WRN: variants seen among roughly 807,000 people sequenced by gnomAD.
The protein encoded by WRN is bifunctional 3'-5' exonuclease/ATP-dependent helicase WRN.
Under a neutral mutation model 180.7 loss-of-function variants are expected in WRN, and 149 were observed. The observed-to-expected ratio is 0.82, with a 90% CI of 0.72 to 0.94. The LOEUF is 0.94. Ranked by LOEUF, WRN falls within the 40% of genes least tolerant of loss-of-function variation. WRN has a pLI of 0.00. For synonymous variants in WRN, 548 were observed against 568.9 expected, an observed-to-expected ratio of 0.96 and a Z score of 0.52; for missense variants, 1,661 against 1,700.1, an observed-to-expected ratio of 0.98 and a Z score of 0.40.
At chr8:31,104,775 G>A (rs1021182463) in intron 18 of WRN, among the ~76,000 whole-genome samples, 6 of 152,262 alleles carry the variant, frequency 3.9e-5, no homozygotes, top group East Asian at 1.9e-4. Flanking sequence ...GTTAAATTGC[G>A]TTTGCCCCTT....
At chr8:31,148,260 CCTT>C (rs1353352725) in intron 30 of WRN, among the ~76,000 whole-genome samples, 1 of 152,142 alleles carries the variant, frequency 6.6e-6, no homozygotes, top group Non-Finnish European at 1.5e-5. Flanking sequence ...CCTTCCTCCT[CCTT>C]CTTAATGACA....
intron 23 of WRN, among the ~76,000 whole-genome samples, chr8:31,126,533 GAAGA>G (rs1801938660): frequency 6.6e-6 from 1 of 152,078 alleles, no homozygotes; most frequent in Non-Finnish European, 1.5e-5. Context: ...TGTAATAAAA[GAAGA>G]AAGGTCTCAA....
intron 1 of WRN, among the ~76,000 whole-genome samples, chr8:31,042,454 A>C (rs1465732484): frequency 1.3e-5 from 2 of 152,230 alleles, no homozygotes; most frequent in Non-Finnish European, 2.9e-5. Flanking sequence ...CTAACACCAC[A>C]AAGTTAGGTG....
Position 31,120,332 on chromosome 8 carries a change from A to G in WRN, c.2538A>G (p.Glu846=), listed in dbSNP as rs2130322456. ...ATTACGGTGCTCCTAAGGACATGGA[A>G]TCATATTATCAGGAGATTGGTAGAG... ...VIHYGAPKDM[E]SYYQEIGRAG... Residue 846 remains glutamate (E), a synonymous_variant, in exon 21 of 35, where the codon GAA becomes GAG. Transcript: ENST00000298139. The G allele has an allele frequency of 2.5e-6, 4 of 1,613,034 alleles. No individual in the cohort carries two copies. Among genetic ancestry groups the G allele is most frequent in the Non-Finnish European group, 2.5e-6 (3 of 1,179,170 alleles).
intron 34 of WRN, among the ~76,000 whole-genome samples, chr8:31,168,271 C>T (rs926310420): frequency 6.6e-6 from 1 of 152,060 alleles, no homozygotes; most frequent in Non-Finnish European, 1.5e-5. Context: ...TGAAATTTAG[C>T]TTCTAATGCT....
chr8:31,163,802 A>G (rs1441599519), intron 33 of WRN, among the ~76,000 whole-genome samples: 1 of 151,774 alleles, frequency 6.6e-6, no homozygotes, highest in East Asian at 1.9e-4. Flanking sequence ...TTTGTAGCCT[A>G]CTTTTAAATC....
intron 1 of WRN, among the ~76,000 whole-genome samples, chr8:31,050,985 A>G (rs1812057465): frequency 1.3e-5 from 2 of 152,160 alleles, no homozygotes; most frequent in South Asian, 4.1e-4. Context: ...AAACAGTATA[A>G]CGGGCTAACA....
In WRN at chr8:31,120,972, T is replaced by C. The variant is rs550746175; in HGVS notation, c.2630+548T>C. ...CTGTGTATGAATCATTGTGTTGCAC[T>C]GTACTGACAGACTGCCGTAAGTCAA... On this transcript the variant is annotated intron_variant, in intron 21 of 34. Coordinates refer to ENST00000298139, the MANE Select transcript of WRN (RefSeq NM_000553.6). Among the ~76,000 whole-genome samples the C allele has an allele frequency of 2.0e-5, 3 of 152,158 alleles. No individual in the cohort carries two copies. In the East Asian group the frequency reaches 5.8e-4, roughly 29 times the overall value.
chr8:31,144,450 C>G (rs1392470216), intron 28 of WRN, among the ~76,000 whole-genome samples: 2 of 151,260 alleles, frequency 1.3e-5, no homozygotes, highest in African/African-American at 4.9e-5. Context: ...ATTCTCCTGT[C>G]TTAGCCTCCT....
At chr8:31,168,108 TC>T (rs1433948789) in intron 34 of WRN, among the ~76,000 whole-genome samples, 1 of 152,126 alleles carries the variant, frequency 6.6e-6, no homozygotes, top group Non-Finnish European at 1.5e-5. Flanking sequence ...AGGGAACTGA[TC>T]TTTTTAAATT....
At chr8:31,157,887 C>T (rs557094574) in intron 33 of WRN, among the ~76,000 whole-genome samples, 1 of 152,070 alleles carries the variant, frequency 6.6e-6, no homozygotes, top group East Asian at 1.9e-4. Context: ...GCCACCATGC[C>T]CAGCTATTTT....
chr8:31,080,525 T>G (rs901073944), intron 8 of WRN, among the ~76,000 whole-genome samples: 2 of 142,718 alleles, frequency 1.4e-5, no homozygotes, highest in Non-Finnish European at 3.1e-5. Context: ...TGAAATAGGG[T>G]TTTTTTTTTT....
chr8:31,113,072 G>C (rs377569722), intron 19 of WRN, among the ~76,000 whole-genome samples: 2 of 151,758 alleles, frequency 1.3e-5, no homozygotes, highest in African/African-American at 4.8e-5. Context: ...TGGGCATGGT[G>C]GTGCATGCCT....
At chr8:31,149,161 G>A (rs1240100229) in intron 30 of WRN, among the ~76,000 whole-genome samples, 1 of 152,076 alleles carries the variant, frequency 6.6e-6, no homozygotes, top group Non-Finnish European at 1.5e-5. Context: ...ACTTTGGGAG[G>A]CCGAGGCGGG....
At chr8:31,096,221 T>A (rs1813970885) in intron 16 of WRN, among the ~76,000 whole-genome samples, 1 of 152,236 alleles carries the variant, frequency 6.6e-6, no homozygotes, top group African/African-American at 2.4e-5. Flanking sequence ...ATCTGTTGAA[T>A]GGACAGGTGA....
At chr8:31,111,589 T>A (rs764220829) in intron 18 of WRN, 26 bp from the exon 19 acceptor site, 2 of 1,613,338 alleles carry the variant, frequency 1.2e-6, no homozygotes, top group Admixed American at 3.3e-5. Context: ...CTTTCCTTTT[T>A]AAAATATCAG....
intron 8 of WRN, among the ~76,000 whole-genome samples, chr8:31,079,799 A>G (rs1400488239): frequency 2.0e-5 from 3 of 152,346 alleles, no homozygotes; most frequent in South Asian, 4.1e-4. Flanking sequence ...ATCACAAACA[A>G]TCTTACTTGT....
intron 16 of WRN, among the ~76,000 whole-genome samples, chr8:31,094,348 C>CTTTTTTTTT (rs780787702): frequency 7.1e-6 from 1 of 140,308 alleles, no homozygotes. Context: ...TCTTTTCTTT[C>CTTTTTTTTT]TTTTTTTTTT....
chr8:31,088,553 A>G (rs1331350046), intron 12 of WRN, among the ~76,000 whole-genome samples: 2 of 152,066 alleles, frequency 1.3e-5, no homozygotes, highest in Non-Finnish European at 2.9e-5. Context: ...CATTAATTGA[A>G]GGTTGGTTAT....
Sources: allele counts gnomAD v4.1 joint callset (sites outside exome capture counted in the v4.1 genomes callset), GRCh38; gene constraint gnomAD v4.1.1; transcripts MANE v1.5; gene names NCBI Gene and HGNC (gene_info 2026-07-23, HGNC 2026-07-21).